Variants in MAU2 observed in about 807,000 individuals in gnomAD.
MAU2 encodes MAU2 sister chromatid cohesion factor.
A neutral mutation model predicts 89.1 loss-of-function variants in MAU2; 9 were observed. The ratio of observed to expected loss-of-function variants is 0.10; its 90% confidence interval spans 0.06 to 0.18. MAU2 has a LOEUF of 0.18. Ranked by LOEUF, MAU2 falls within the 10% of genes least tolerant of loss-of-function variation. The pLI is 1.00. For synonymous variants in MAU2, 357 were observed against 343.4 expected (o/e 1.04, Z -0.44); for missense variants, 425 against 803.5 (o/e 0.53, Z 5.69).
At chr19:19,336,546 T>G (rs2061598427) in intron 3 of MAU2, among the ~76,000 whole-genome samples, 1 of 152,204 alleles carries the variant, frequency 6.6e-6, no homozygotes, top group Admixed American at 6.5e-5. Context: ...AGTGCCAAAA[T>G]TATACACAGG....
chr19:19,336,134 G>A lies in MAU2; in HGVS notation c.307G>A (p.Glu103Lys), dbSNP rs1490068089. Residue 103 changes from glutamate (E) to lysine (K), a missense_variant, in exon 3 of 19, where the codon GAA (glutamate) becomes AAA (lysine). Glu to Lys is a moderately conservative substitution (Grantham distance 56). Coordinates refer to ENST00000262815, the MANE Select transcript of MAU2 (RefSeq NM_015329.4). The part of the protein sequence containing the change: ...WLISQQIPQF[E>K]DVKFEAASLL... ...TGGACGTCACTAGATCCCGCAGTTC[G>A]AAGATGTTAAATTTGAAGCAGCAAG... 1 of 1,613,100 alleles carries A rather than the reference G, an allele frequency of 6.2e-7. No individual in the cohort carries two copies. The highest frequency in any genetic ancestry group is 8.5e-7 in the Non-Finnish European group (1 of 1,179,222).
In MAU2 at chr19:19,329,979, A is replaced by T. The variant is rs994663857; in HGVS notation, c.277-5739A>T. Among the ~76,000 whole-genome samples the T allele has an allele frequency of 1.2e-4, 17 of 146,938 alleles. No individual in the cohort carries two copies. In the East Asian group the frequency reaches 1.6e-3, roughly 14 times the overall value. On this transcript the variant is annotated intron_variant, in intron 1 of 18. Transcript: ENST00000262815. ...TAATTATTTATTTATTTATTTATTT[A>T]TTTATTTTTTATTTTTTTGAGATAA...
chr19:19,345,029 C>A lies in MAU2; in HGVS notation c.1155+103C>A. ...TTCCCAGTGAAGGACCCCCTGACAG[C>A]ACCCTAATCAGAATCCGGAATGTTC... is the stretch of plus-strand genomic sequence containing the variant. On this transcript the variant is annotated intron_variant, in intron 11 of 18. Transcript: ENST00000262815. The surrounding 1 kb of genome is among the most constrained non-coding windows in gnomAD (Gnocchi z 4.9). The A allele has an allele frequency of 9.7e-7, 1 of 1,034,670 alleles. No homozygotes were observed. 64.1% of individuals were successfully genotyped at this position (1,034,670 alleles called of 1,614,324 possible).
intron 3 of MAU2, 84 bp downstream of exon 3, chr19:19,336,271 G>A (rs929379218): frequency 1.6e-5 from 17 of 1,058,112 alleles, no homozygotes; most frequent in African/African-American, 1.1e-4. Context: ...TTGGGGTTCC[G>A]GGAGTTGGAA....
chr19:19,335,673 C>G, intron 1 of MAU2, 45 bp from the exon 2 acceptor site: 1 of 1,610,278 alleles, frequency 6.2e-7, no homozygotes, highest in Non-Finnish European at 8.5e-7. Flanking sequence ...AACCAGGTGC[C>G]AGGTGTTTGC....
Position 19,320,870 on chromosome 19 carries a change from A to AGGC in MAU2, c.18_20dup (p.Ala9dup). The AGGC allele has an allele frequency of 6.6e-7, 1 of 1,518,152 alleles. No homozygotes were observed. The highest frequency in any genetic ancestry group is 8.8e-7 in the Non-Finnish European group (1 of 1,140,150). The allele number at this position is 1,518,152 out of a possible 1,614,324, so 94.0% of individuals were successfully genotyped here. On this transcript the variant is annotated inframe_insertion, in exon 1 of 19. Transcript: ENST00000262815. The stretch of plus-strand genomic sequence containing the variant: ...GTTGTGGAGGCCAAAATGGCGGCTC[A>AGGC]GGCGGCGGCAGCGGCCCAGGCGGCG...
At chr19:19,346,292 G>T (rs1248589080) in intron 12 of MAU2, among the ~76,000 whole-genome samples, 4 of 152,032 alleles carry the variant, frequency 2.6e-5, no homozygotes, top group South Asian at 2.1e-4. Flanking sequence ...GACCCTCCTC[G>T]TGGCCCTGCC....
chr19:19,329,886 T>A (rs190610731), intron 1 of MAU2, among the ~76,000 whole-genome samples: 312 of 152,062 alleles, frequency 2.1e-3, no homozygotes, highest in Middle Eastern at 0.014. Flanking sequence ...AGCCTGAGAA[T>A]TCAAGGTTAC....
intron 1 of MAU2, among the ~76,000 whole-genome samples, chr19:19,323,443 C>G (rs919655457): frequency 6.6e-6 from 1 of 152,194 alleles, no homozygotes; most frequent in South Asian, 2.1e-4. Flanking sequence ...ATCCGCCCAT[C>G]TTGTCCTCCC....
At chr19:19,334,520 C>T (rs1475991432) in intron 1 of MAU2, 1 of 985,858 alleles carries the variant, frequency 1.0e-6, no homozygotes, top group South Asian at 4.7e-5. Flanking sequence ...CGTGGATCTC[C>T]AGGCCTCACT....
rs147505538 is a variant in MAU2, at chr19:19,344,225, A to G, written c.1077+285A>G. 5.2e-3 allele frequency: 1,949 copies of G among 378,104 alleles called. 34 individuals carry two copies. The highest frequency in any genetic ancestry group is 0.037 in the African/African-American group (1,785 of 47,826). 23.4% of individuals were successfully genotyped at this position (378,104 alleles called of 1,614,324 possible). ...CCAGGAGTTTGAGACCAGCCTGGCC[A>G]ACATGGCGAAACCCCGCCTCTACTA... On this transcript the variant is annotated intron_variant, in intron 10 of 18. Transcript: ENST00000262815.
At chr19:19,350,561 G>A (rs1241248857) in intron 16 of MAU2, among the ~76,000 whole-genome samples, 17 of 150,020 alleles carry the variant, frequency 1.1e-4, no homozygotes, top group South Asian at 2.1e-4. Context: ...AGCCGAGGTC[G>A]TGTCATTGTA....
intron 1 of MAU2, among the ~76,000 whole-genome samples, chr19:19,322,771 C>G (rs140117231): frequency 5.9e-5 from 9 of 151,988 alleles, no homozygotes; most frequent in African/African-American, 2.2e-4. Context: ...TTTAAAAACT[C>G]ATTAATCTGA....
chr19:19,341,225 C>T lies in MAU2; in HGVS notation c.580-27C>T, dbSNP rs754645193. ...GGGAGGGCCCCTGCAAGCCCTGTAC[C>T]CTACACCTGCGCCTCTCCCTCCCCA... On this transcript the variant is annotated intron_variant, in intron 6 of 18. Transcript: ENST00000262815. 113 of 1,604,082 alleles carry T rather than the reference C, an allele frequency of 7.0e-5. 1 individual carries two copies. In the South Asian group the frequency reaches 1.2e-3, roughly 17 times the overall value.
At chr19:19,347,108 A>G in intron 12 of MAU2, 172 bp from the exon 13 acceptor site, 1 of 581,106 alleles carries the variant, frequency 1.7e-6, no homozygotes, top group Non-Finnish European at 3.1e-6. Flanking sequence ...TATAATGAGA[A>G]GAAGTAATAG....
rs934875203 is a variant in MAU2, at chr19:19,358,587, T to C, written c.*2805T>C. 1.3e-5 allele frequency: 2 copies of C among 152,256 alleles called. No individual in the cohort carries two copies. The highest frequency in any genetic ancestry group is 4.8e-5 in the African/African-American group (2 of 41,474). The allele number at this position is 152,256 out of a possible 1,614,324, so 9.4% of individuals were successfully genotyped here. A position where few individuals can be genotyped will look rare whatever the true frequency, so the allele number is the denominator to read the frequency against. Reference sequence around the variant, plus strand: ...ATGTCTTTTAATGGGTTTGTAATATTTGTAACGGTTTTAGCAGCCTATAAC... The same window carrying C: ...ATGTCTTTTAATGGGTTTGTAATATCTGTAACGGTTTTAGCAGCCTATAAC... On this transcript the variant is annotated 3_prime_UTR_variant, in exon 19 of 19. Transcript: ENST00000262815.
chr19:19,328,159 C>CAAA, intron 1 of MAU2, among the ~76,000 whole-genome samples: 1 of 89,130 alleles, frequency 1.1e-5, no homozygotes, highest in South Asian at 3.5e-4. Context: ...GACCCTGTCT[C>CAAA]AAAAAAAAAA....
intron 1 of MAU2, among the ~76,000 whole-genome samples, chr19:19,327,360 C>G (rs1176104621): frequency 1.3e-5 from 2 of 151,656 alleles, no homozygotes; most frequent in Admixed American, 6.6e-5. Flanking sequence ...GAGTCTCGCT[C>G]TGTCGCCCAG....
chr19:19,338,735 G>T, intron 4 of MAU2, 110 bp from the exon 5 acceptor site: 1 of 726,060 alleles, frequency 1.4e-6, no homozygotes, highest in Non-Finnish European at 2.3e-6. Flanking sequence ...GACACAGGCA[G>T]TTTCACTGAC....
Sources: allele counts gnomAD v4.1 joint callset (sites outside exome capture counted in the v4.1 genomes callset), GRCh38; gene constraint gnomAD v4.1.1; non-coding constraint Gnocchi (gnomAD v3.1); transcripts MANE v1.5; gene names NCBI Gene and HGNC (gene_info 2026-07-23, HGNC 2026-07-21).